TMEM132D: variants seen among roughly 807,000 people sequenced by gnomAD.
TMEM132D encodes transmembrane protein 132D, also known as mature OL transmembrane protein.
Under a neutral mutation model 62.3 loss-of-function variants are expected in TMEM132D, and 21 were observed. That is an observed-to-expected ratio of 0.34 (90% CI 0.24 to 0.49). TMEM132D has a LOEUF of 0.49. Ranked by LOEUF, TMEM132D falls within the 20% of genes least tolerant of loss-of-function variation. The probability of loss-of-function intolerance (pLI) is 0.99; values close to 1 mark genes in which losing one functional copy is unlikely to be tolerated. For missense variants in TMEM132D, 1,346 were observed against 1,402.8 expected (o/e 0.96, Z 0.65); for synonymous variants, 621 against 575.6 (o/e 1.08, Z -1.13).
intron 3 of TMEM132D, among the ~76,000 whole-genome samples, chr12:129,461,945 T>C (rs1873691417): frequency 6.6e-6 from 1 of 152,198 alleles, no homozygotes; most frequent in Non-Finnish European, 1.5e-5. Flanking sequence ...TTATCTCCTT[T>C]GATGATTGAA....
rs57672664 is a variant in TMEM132D, at chr12:129,536,651, T to C, written c.969-5446A>G. Among the ~76,000 whole-genome samples, 1,245 of 152,296 alleles carry C rather than the reference T, an allele frequency of 8.2e-3. 24 individuals carry two copies. Among genetic ancestry groups the C allele is most frequent in the African/African-American group, 0.029 (1,185 of 41,538 alleles). On this transcript the variant is annotated intron_variant, in intron 2 of 8. Coordinates refer to ENST00000422113, the MANE Select transcript of TMEM132D (RefSeq NM_133448.3). ...CCTGCTTACAATGCCACTGTCAGTA[T>C]TTTAGGAATCATGTCCCACTTTTCA...
intron 3 of TMEM132D, among the ~76,000 whole-genome samples, chr12:129,528,990 T>C (rs1372331599): frequency 6.6e-6 from 1 of 152,258 alleles, no homozygotes; most frequent in Non-Finnish European, 1.5e-5. Flanking sequence ...ATATCACATA[T>C]ATGTGTTCTA....
intron 1 of TMEM132D, among the ~76,000 whole-genome samples, chr12:129,704,940 G>T (rs977766898): frequency 6.6e-6 from 1 of 152,172 alleles, no homozygotes; most frequent in Non-Finnish European, 1.5e-5. Context: ...TTGTTGTTTT[G>T]TAAGGAAATA....
rs567733424 is a variant in TMEM132D, at chr12:129,364,116, T to C, written c.1116-26299A>G. The stretch of plus-strand genomic sequence containing the variant: ...CATCATGAACACTCTCCAGATAAGA[T>C]AGCAGAATAAGCAGTGAAATGTAGT... On this transcript the variant is annotated intron_variant, in intron 3 of 8. Coordinates refer to ENST00000422113, the MANE Select transcript of TMEM132D (RefSeq NM_133448.3). Among the ~76,000 whole-genome samples, 13 of 152,334 alleles carry C rather than the reference T, an allele frequency of 8.5e-5. No homozygotes were observed. In the South Asian group the frequency reaches 2.3e-3, roughly 27 times the overall value.
chr12:129,078,897 G>A (rs1874363353), intron 7 of TMEM132D, among the ~76,000 whole-genome samples, 172 bp from the exon 8 acceptor site: 1 of 152,202 alleles, frequency 6.6e-6, no homozygotes, highest in Non-Finnish European at 1.5e-5. Context: ...TGTATTGCTT[G>A]AGAAAATGTA....
chr12:129,464,367 A>G (rs1490055118), intron 3 of TMEM132D, among the ~76,000 whole-genome samples: 1 of 152,132 alleles, frequency 6.6e-6, no homozygotes, highest in African/African-American at 2.4e-5. Context: ...GATTCTGGAT[A>G]TTAGCCCTTT....
intron 2 of TMEM132D, among the ~76,000 whole-genome samples, chr12:129,684,967 C>T (rs764898535): frequency 4.6e-5 from 7 of 152,018 alleles, no homozygotes; most frequent in African/African-American, 1.4e-4. Context: ...TAAGCAGCAA[C>T]GTGTTCAAGA....
intron 5 of TMEM132D, among the ~76,000 whole-genome samples, chr12:129,120,648 C>A (rs1329613851): frequency 1.3e-5 from 2 of 152,116 alleles, no homozygotes; most frequent in Non-Finnish European, 2.9e-5. Flanking sequence ...AGTGAAAAAC[C>A]AGCCTGTGGT....
chr12:129,410,098 G>C (rs1471046898), intron 3 of TMEM132D, among the ~76,000 whole-genome samples: 1 of 152,188 alleles, frequency 6.6e-6, no homozygotes, highest in African/African-American at 2.4e-5. Flanking sequence ...TGTGTCCCAA[G>C]TGTGCCCATC....
chr12:129,642,857 C>T (rs943937382), intron 2 of TMEM132D, among the ~76,000 whole-genome samples: 26 of 150,874 alleles, frequency 1.7e-4, no homozygotes, highest in African/African-American at 6.3e-4. Context: ...GTCAGAGAAA[C>T]GTTAAACACA....
At position 129,860,978 on chromosome 12, in the gene TMEM132D, A is replaced by T. The variant is rs182074074; in HGVS notation, c.79+42283T>A. Among the ~76,000 whole-genome samples the T allele has an allele frequency of 7.2e-4, 110 of 152,336 alleles. 2 individuals are homozygous for T. The South Asian group carries it at 0.022, about 30-fold the overall frequency. On this transcript the variant is annotated intron_variant, in intron 1 of 8. Transcript: ENST00000422113. ...TAGGGATTATGGGAACTACAATTCA[A>T]GATGAGATTTGGGTGGGGACACAGC... is the stretch of plus-strand genomic sequence containing the variant.
chr12:129,527,877 G>T (rs1487003185), intron 3 of TMEM132D, among the ~76,000 whole-genome samples: 1 of 152,166 alleles, frequency 6.6e-6, no homozygotes, highest in Non-Finnish European at 1.5e-5. Flanking sequence ...TCTTCAAACA[G>T]GGAAGGATGC....
At chr12:129,246,514 G>C (rs776952603) in intron 4 of TMEM132D, among the ~76,000 whole-genome samples, 1 of 152,208 alleles carries the variant, frequency 6.6e-6, no homozygotes, top group Non-Finnish European at 1.5e-5. Flanking sequence ...CCAACACTTT[G>C]GGAGGCCGAG....
intron 2 of TMEM132D, among the ~76,000 whole-genome samples, chr12:129,592,160 T>A (rs1878206409): frequency 6.6e-6 from 1 of 152,140 alleles, no homozygotes; most frequent in South Asian, 2.1e-4. Flanking sequence ...ACTAAAATAT[T>A]CACCAAAACT....
chr12:129,596,434 T>C (rs1042212936), intron 2 of TMEM132D, among the ~76,000 whole-genome samples: 1 of 152,188 alleles, frequency 6.6e-6, no homozygotes, highest in African/African-American at 2.4e-5. Flanking sequence ...ATTCTATGCA[T>C]TTTTTATATA....
intron 5 of TMEM132D, among the ~76,000 whole-genome samples, chr12:129,176,318 TTGGA>T (rs1877904926): frequency 6.6e-6 from 1 of 152,222 alleles, no homozygotes; most frequent in Non-Finnish European, 1.5e-5. Context: ...ATGTAAGCAA[TTGGA>T]TTCCCACAAC....
intron 1 of TMEM132D, among the ~76,000 whole-genome samples, chr12:129,877,298 C>T (rs1874445586): frequency 6.6e-6 from 1 of 151,518 alleles, no homozygotes; most frequent in South Asian, 2.1e-4. Context: ...GAACCACACA[C>T]TGTGGGTAAG....
chr12:129,891,462 G>GT (rs1334953982), intron 1 of TMEM132D, among the ~76,000 whole-genome samples: 1 of 152,192 alleles, frequency 6.6e-6, no homozygotes, highest in Non-Finnish European at 1.5e-5. Context: ...AGGAAATGCC[G>GT]TTGGGTGCGG....
At chr12:129,429,206 T>C (rs897086837) in intron 3 of TMEM132D, among the ~76,000 whole-genome samples, 2 of 152,356 alleles carry the variant, frequency 1.3e-5, no homozygotes, top group South Asian at 2.1e-4. Flanking sequence ...CAAGTTGGCC[T>C]GACCAAGTAG....
Sources: allele counts gnomAD v4.1 joint callset (sites outside exome capture counted in the v4.1 genomes callset), GRCh38; gene constraint gnomAD v4.1.1; transcripts MANE v1.5; gene names NCBI Gene and HGNC (gene_info 2026-07-23, HGNC 2026-07-21).